The following GRIN2B variants were observed in gnomAD, a reference collection of about 807,000 sequenced individuals.
GRIN2B encodes the protein glutamate receptor ionotropic, NMDA 2B.
A neutral mutation model predicts 114.5 loss-of-function variants in GRIN2B; 5 were observed. The ratio of observed to expected loss-of-function variants is 0.04; its 90% CI spans 0.02 to 0.09. The LOEUF is 0.09. GRIN2B is among the 10% of genes least tolerant of loss of function. GRIN2B has a pLI of 1.00. For missense variants in GRIN2B, 1,108 were observed against 1,943.5 expected (o/e 0.57, Z 8.08); for synonymous variants, 787 against 745.1 (o/e 1.06, Z -0.92).
At position 13,881,013 on chromosome 12, in the gene GRIN2B, TGC is replaced by T. The variant is rs796814033; in HGVS notation, c.-18-14789_-18-14788del. Among the ~76,000 whole-genome samples, 7 of 120,352 alleles carry T rather than the reference TGC, an allele frequency of 5.8e-5. No individual in the cohort carries two copies. The South Asian group carries it at 7.3e-4, about 12-fold the overall frequency. The allele number at this position is 120,352 out of a possible 152,430, so 79.0% of individuals were successfully genotyped here. A position where few individuals can be genotyped will look rare whatever the true frequency, so the allele number is the denominator to read the frequency against. On this transcript the variant is annotated intron_variant, in intron 2 of 13. Transcript: ENST00000609686. ...ATAAGGTTGTGTGTGTGTGTGTGTG[TGC>T]GCGTGCGCGCACGCATGTGCGCAGG...
intron 2 of GRIN2B, among the ~76,000 whole-genome samples, chr12:13,899,265 C>T (rs189493420): frequency 1.4e-4 from 21 of 150,898 alleles, no homozygotes; most frequent in Middle Eastern, 3.4e-3. Flanking sequence ...AACAAACAAA[C>T]GAAAGAAAGA....
intron 3 of GRIN2B, among the ~76,000 whole-genome samples, chr12:13,825,774 C>T (rs940520801): frequency 6.6e-6 from 1 of 151,950 alleles, no homozygotes; most frequent in Non-Finnish European, 1.5e-5. Flanking sequence ...ACCTCGGCCT[C>T]CCAAAGTGCT....
chr12:13,606,992 G>T (rs1044497864), intron 10 of GRIN2B, among the ~76,000 whole-genome samples: 1 of 149,190 alleles, frequency 6.7e-6, no homozygotes, highest in Admixed American at 6.9e-5. Context: ...ACACAAAGGG[G>T]TAAACACAGT....
At chr12:13,728,989 C>T (rs1377684132) in intron 4 of GRIN2B, among the ~76,000 whole-genome samples, 1 of 152,176 alleles carries the variant, frequency 6.6e-6, no homozygotes, top group Non-Finnish European at 1.5e-5. Flanking sequence ...GTAAAACTCT[C>T]TCCATACACA....
chr12:13,704,181 C>A (rs369134342), intron 4 of GRIN2B, among the ~76,000 whole-genome samples: 1 of 151,998 alleles, frequency 6.6e-6, no homozygotes, highest in Non-Finnish European at 1.5e-5. Context: ...ATGCTGAGAC[C>A]GGGAGGCTGA....
rs1034822288 is a variant in GRIN2B at position 13,614,328 on chromosome 12, G to A, written c.1654+786C>T. 3.7e-4 allele frequency among the ~76,000 whole-genome samples: 56 copies of A among 152,130 alleles called. 1 individual carries two copies. Among genetic ancestry groups the A allele is most frequent in the African/African-American group, 4.3e-4 (18 of 41,428 alleles). On this transcript the variant is annotated intron_variant, in intron 8 of 13. Coordinates refer to ENST00000609686, the MANE Select transcript of GRIN2B (RefSeq NM_000834.5). The stretch of plus-strand genomic sequence containing the variant: ...ATGTGCCTTAGAGAGACGGTGACTC[G>A]TCCAGGGGCTTACAGCTTGTTTATG...
intron 2 of GRIN2B, among the ~76,000 whole-genome samples, chr12:13,926,689 C>G (rs562755074): frequency 2.1e-4 from 32 of 152,342 alleles, no homozygotes; most frequent in Middle Eastern, 6.8e-3. Context: ...TGTGGTGGCT[C>G]ATGCCTGTAA....
intron 10 of GRIN2B, among the ~76,000 whole-genome samples, chr12:13,572,491 T>C (rs1432954210): frequency 6.6e-6 from 1 of 152,212 alleles, no homozygotes; most frequent in South Asian, 2.1e-4. Flanking sequence ...TCTTTTGACC[T>C]TCCCTGATGC....
intron 5 of GRIN2B, among the ~76,000 whole-genome samples, chr12:13,630,960 C>T (rs1949610870): frequency 6.6e-6 from 1 of 152,234 alleles, no homozygotes; most frequent in Middle Eastern, 3.4e-3. Context: ...GGAAGTAAGG[C>T]ACATCTTACG....
At chr12:13,675,369 T>C (rs1950063450) in intron 5 of GRIN2B, among the ~76,000 whole-genome samples, 1 of 152,150 alleles carries the variant, frequency 6.6e-6, no homozygotes. Flanking sequence ...TTTCTTCTCA[T>C]AAATTCATCT....
intron 10 of GRIN2B, among the ~76,000 whole-genome samples, chr12:13,586,056 T>C (rs1175283119): frequency 3.3e-5 from 5 of 152,224 alleles, no homozygotes; most frequent in South Asian, 4.1e-4. Flanking sequence ...AATAACCATG[T>C]TGGTAGAAAA....
At chr12:13,708,361 A>C (rs144841414) in intron 4 of GRIN2B, among the ~76,000 whole-genome samples, 5 of 152,172 alleles carry the variant, frequency 3.3e-5, no homozygotes, top group African/African-American at 9.6e-5. Flanking sequence ...AAGAAAAGTC[A>C]CCAGTGAGGC....
chr12:13,656,332 G>A (rs1007883669), intron 5 of GRIN2B, among the ~76,000 whole-genome samples: 2 of 152,062 alleles, frequency 1.3e-5, no homozygotes, highest in African/African-American at 4.8e-5. Context: ...AGAATAAAAC[G>A]AACAAACAAA....
At chr12:13,654,054 C>T (rs549353722) in intron 5 of GRIN2B, among the ~76,000 whole-genome samples, 45 of 152,208 alleles carry the variant, frequency 3.0e-4, no homozygotes, top group African/African-American at 1.1e-3. Flanking sequence ...TCCAAAAAGG[C>T]TGTACCTATG....
chr12:13,853,587 G>A (rs967168537), intron 3 of GRIN2B, among the ~76,000 whole-genome samples: 8 of 152,290 alleles, frequency 5.3e-5, no homozygotes, highest in Middle Eastern at 3.4e-3. Flanking sequence ...CCCCTAACCT[G>A]AAGCAGGCCT....
At chr12:13,927,859 C>T (rs954121168) in intron 2 of GRIN2B, among the ~76,000 whole-genome samples, 12 of 147,862 alleles carry the variant, frequency 8.1e-5, no homozygotes, top group African/African-American at 3.0e-4. Context: ...CCCAGCTATT[C>T]AGGAGGCTGA....
chr12:13,828,359 C>T (rs1727092103), intron 3 of GRIN2B, among the ~76,000 whole-genome samples: 1 of 152,188 alleles, frequency 6.6e-6, no homozygotes, highest in Non-Finnish European at 1.5e-5. Flanking sequence ...GGGAATTGTT[C>T]TTCTTATGGC....
chr12:13,817,133 A>G (rs1259509576), intron 3 of GRIN2B, among the ~76,000 whole-genome samples: 1 of 152,028 alleles, frequency 6.6e-6, no homozygotes, highest in African/African-American at 2.4e-5. Context: ...ATTTTGCAAG[A>G]AGAATAAAAG....
chr12:13,798,796 C>A (rs1289471705), intron 3 of GRIN2B, among the ~76,000 whole-genome samples: 3 of 152,136 alleles, frequency 2.0e-5, no homozygotes, highest in African/African-American at 4.8e-5. Context: ...GGAAAAAAAC[C>A]AAACTAGATG....
Sources: gnomAD v4.1 joint callset for allele counts (sites outside exome capture counted in the v4.1 genomes callset) on GRCh38, gnomAD v4.1.1 for gene constraint, MANE v1.5 for transcripts, NCBI Gene and HGNC (gene_info 2026-07-23, HGNC 2026-07-21) for gene names.